FMN2: variants seen among roughly 807,000 people sequenced by gnomAD.
FMN2 encodes formin 2, also known as formin-2.
In FMN2, 51 loss-of-function variants were observed where a neutral mutation model predicts 142.3. The ratio of observed to expected loss-of-function variants is 0.36; its 90% CI spans 0.29 to 0.45. The LOEUF (loss-of-function observed/expected upper bound fraction) is 0.45, where lower values mean the gene tolerates loss of function less well. Ranked by LOEUF, FMN2 falls within the 20% of genes least tolerant of loss-of-function variation. FMN2 has a pLI of 1.00. For missense variants in FMN2, 1,936 were observed against 2,122.8 expected, an observed-to-expected ratio of 0.91 and a Z score of 1.73; for synonymous variants, 882 against 869.8, an observed-to-expected ratio of 1.01 and a Z score of -0.25.
Position 240,142,832 on chromosome 1 carries a change from G to T in FMN2, c.1782+19487G>T, listed in dbSNP as rs546432821. ...TGATGGTCTTAGGCTTGCCAGCCTG[G>T]CCCACCACATCCACTGCCTGGCCTA... On this transcript the variant is annotated intron_variant, in intron 2 of 17. Coordinates refer to ENST00000319653, the MANE Select transcript of FMN2 (RefSeq NM_020066.5). The T allele has an allele frequency of 2.0e-5, 31 of 1,586,350 alleles. No individual in the cohort carries two copies. In the African/African-American group the frequency reaches 3.9e-4, roughly 20 times the overall value.
intron 7 of FMN2, among the ~76,000 whole-genome samples, chr1:240,279,143 T>C (rs1344086406): frequency 1.3e-5 from 2 of 152,156 alleles, no homozygotes; most frequent in African/African-American, 4.8e-5. Context: ...CTCCAACCAA[T>C]GGTTTCCATG....
chr1:240,330,533 TC>T (rs1671340473), intron 10 of FMN2, 69 bp from the exon 11 acceptor site: 1 of 1,519,426 alleles, frequency 6.6e-7, no homozygotes, highest in South Asian at 1.2e-5. Context: ...ATAGCTGGCA[TC>T]AACTCGATGA....
chr1:240,126,669 A>G (rs536196945), intron 2 of FMN2, among the ~76,000 whole-genome samples: 1 of 152,358 alleles, frequency 6.6e-6, no homozygotes, highest in African/African-American at 2.4e-5. Flanking sequence ...TAAAAGACAA[A>G]GATGGCTTTG....
Position 240,092,636 on chromosome 1 carries a change from G to T in FMN2, c.527G>T (p.Ser176Ile), listed in dbSNP as rs1170521136. ...GGGGCGCAGGATGGACAAAGGACCAGCTCGGGCTCGGACACGGACATCTAT... is the reference window on the plus strand; with the variant it reads ...GGGGCGCAGGATGGACAAAGGACCATCTCGGGCTCGGACACGGACATCTAT... ...AAGAQDGQRT[S>I]SGSDTDIYSF... Residue 176 changes from serine to isoleucine, a missense_variant, in exon 1 of 18, where the codon AGC becomes ATC. This residue lies in a region of FMN2 where 751 missense variants were observed against 791.8 expected (regional missense o/e 0.95). Coordinates refer to ENST00000319653, the MANE Select transcript of FMN2 (RefSeq NM_020066.5). 6.2e-7 allele frequency: 1 copy of T among 1,614,132 alleles called. No individual in the cohort carries two copies. The highest frequency in any genetic ancestry group is 8.5e-7 in the Non-Finnish European group (1 of 1,180,026).
chr1:240,214,992 G>A (rs1407109737), intron 6 of FMN2, among the ~76,000 whole-genome samples: 1 of 152,068 alleles, frequency 6.6e-6, no homozygotes, highest in African/African-American at 2.4e-5. Context: ...TCTGAGCCCA[G>A]GGAGGTTGAG....
intron 8 of FMN2, among the ~76,000 whole-genome samples, chr1:240,310,860 C>G (rs1670581273): frequency 6.6e-6 from 1 of 152,084 alleles, no homozygotes; most frequent in Non-Finnish European, 1.5e-5. Flanking sequence ...TTAAAATATT[C>G]ATGTATAACT....
At chr1:240,350,262 A>G (rs1348024918) in intron 13 of FMN2, among the ~76,000 whole-genome samples, 1 of 152,226 alleles carries the variant, frequency 6.6e-6, no homozygotes, top group Non-Finnish European at 1.5e-5. Context: ...ATAACTGTAC[A>G]GGTTTTATAT....
intron 15 of FMN2, among the ~76,000 whole-genome samples, chr1:240,404,305 G>A (rs1398714044): frequency 1.3e-5 from 2 of 152,166 alleles, no homozygotes; most frequent in African/African-American, 4.8e-5. Context: ...AAAGTGAAAT[G>A]TTTAGTTCAT....
chr1:240,345,186 A>G (rs1671868102), intron 13 of FMN2, among the ~76,000 whole-genome samples: 1 of 152,230 alleles, frequency 6.6e-6, no homozygotes. Flanking sequence ...CTTGCCCTAC[A>G]GGAGAACCTT....
intron 6 of FMN2, among the ~76,000 whole-genome samples, 155 bp from the exon 7 acceptor site, chr1:240,257,790 T>C (rs958136982): frequency 2.0e-5 from 3 of 152,224 alleles, no homozygotes; most frequent in Non-Finnish European, 4.4e-5. Context: ...AAAAGCTCTC[T>C]TCAAACATTA....
In FMN2 at chr1:240,208,724, TAGTAAA is replaced by T; in HGVS notation, c.3915_3920del (p.Ser1305_Lys1306del). 6.2e-7 allele frequency: 1 copy of T among 1,605,334 alleles called. No individual in the cohort carries two copies. ...TTTACTGGACCAGGATTCAACTACA[TAGTAAA>T]AGGTAACATGAAAGTGAGCTCGTCT... On this transcript the variant is annotated inframe_deletion and splice_region_variant, in exon 5 of 18. Coordinates refer to ENST00000319653, the MANE Select transcript of FMN2 (RefSeq NM_020066.5).
chr1:240,261,686 A>G (rs555413888), intron 7 of FMN2, among the ~76,000 whole-genome samples: 1 of 152,300 alleles, frequency 6.6e-6, no homozygotes, highest in Admixed American at 6.5e-5. Flanking sequence ...AGCAACACAT[A>G]CATTCAAAAG....
At chr1:240,137,069 CAAAA>C (rs563163509) in intron 2 of FMN2, among the ~76,000 whole-genome samples, 2 of 76,180 alleles carry the variant, frequency 2.6e-5, no homozygotes, top group Non-Finnish European at 2.5e-5. Flanking sequence ...AACTCCGTCT[CAAAA>C]AAAAAAAAAA....
At chr1:240,159,623 G>A (rs1202132790) in intron 2 of FMN2, among the ~76,000 whole-genome samples, 1 of 152,082 alleles carries the variant, frequency 6.6e-6, no homozygotes, top group Non-Finnish European at 1.5e-5. Context: ...ATGTCGGAAA[G>A]CCTGTCCACA....
intron 2 of FMN2, among the ~76,000 whole-genome samples, chr1:240,166,402 G>T (rs2103301788): frequency 6.6e-6 from 1 of 152,030 alleles, no homozygotes; most frequent in South Asian, 2.1e-4. Context: ...GCTAATTTTT[G>T]TATTTATAGT....
At chr1:240,288,387 T>C (rs1342318670) in intron 7 of FMN2, among the ~76,000 whole-genome samples, 2 of 152,198 alleles carry the variant, frequency 1.3e-5, no homozygotes, top group Non-Finnish European at 2.9e-5. Flanking sequence ...TGAATCATGA[T>C]GCTTCTCCAT....
At chr1:240,458,505 T>C (rs1044034945) in intron 16 of FMN2, 1 of 152,220 alleles carries the variant, frequency 6.6e-6, no homozygotes, top group Non-Finnish European at 1.5e-5. Flanking sequence ...AAATGATCCA[T>C]ACACATCATC....
At chr1:240,170,738 G>A (rs1426016112) in intron 2 of FMN2, 1 of 1,490,948 alleles carries the variant, frequency 6.7e-7, no homozygotes, top group African/African-American at 1.4e-5. Flanking sequence ...GTCAAGGTGG[G>A]GCCTGGCTCT....
intron 14 of FMN2, among the ~76,000 whole-genome samples, chr1:240,359,239 G>A (rs991683892): frequency 3.9e-5 from 6 of 152,154 alleles, no homozygotes; most frequent in African/African-American, 1.4e-4. Context: ...TAAAGAAAAT[G>A]CCATCTTAGC....
Sources: allele counts gnomAD v4.1 joint callset (sites outside exome capture counted in the v4.1 genomes callset), GRCh38; gene constraint gnomAD v4.1.1; regional missense constraint gnomAD v4.1.1; transcripts MANE v1.5; gene names NCBI Gene and HGNC (gene_info 2026-07-23, HGNC 2026-07-21).